The following GPSM1 variants were observed in gnomAD, a reference collection of about 807,000 sequenced individuals.
GPSM1 encodes the protein G protein-signaling modulator 1.
In GPSM1, 48 loss-of-function variants were observed where a neutral mutation model predicts 70.5. The ratio of observed to expected loss-of-function variants is 0.68; its 90% confidence interval spans 0.54 to 0.87. GPSM1 has a LOEUF of 0.87. GPSM1 is among the 40% of genes least tolerant of loss of function. The probability of loss-of-function intolerance (pLI) is 0.00; values close to 1 mark genes in which losing one functional copy is unlikely to be tolerated. For missense variants in GPSM1, 981 were observed against 972.6 expected (o/e 1.01, Z -0.11); for synonymous variants, 416 against 430.1 (o/e 0.97, Z 0.41).
rs375726077 is a variant in GPSM1 at position 136,349,688 on chromosome 9, C to A, written c.1380C>A (p.Asp460Glu). 1 of 1,560,354 alleles carries A rather than the reference C, an allele frequency of 6.4e-7. No individual in the cohort carries two copies. Among genetic ancestry groups the A allele is most frequent in the East Asian group, 2.4e-5 (1 of 42,242 alleles). Residue 460 changes from aspartate (D) to glutamate (E), a missense_variant, in exon 11 of 14, where the codon GAC (aspartate) becomes GAA (glutamate). Coordinates refer to ENST00000440944, the MANE Select transcript of GPSM1 (RefSeq NM_001145638.3). ...GCAGGAAGTACCAGGAAGGCCCGGA[C>A]GCTGAGAGGAGGCCCCGGGAGGGCA... ...VRSRKYQEGP[D>E]AERRPREGSH...
At position 136,333,101 on chromosome 9, in the gene GPSM1, C is replaced by T. The variant is rs565157777; in HGVS notation, c.69-1346C>T. 1.9e-3 allele frequency among the ~76,000 whole-genome samples: 294 copies of T among 152,328 alleles called. 1 individual carries two copies. Among genetic ancestry groups the T allele is most frequent in the African/African-American group, 6.6e-3 (273 of 41,570 alleles). On this transcript the variant is annotated intron_variant, in intron 1 of 13. Transcript: ENST00000440944. ...ATGATGGGGCCGGCCTGCAAGCAGC[C>T]GAGGCTGAACCCTTCCCCCACTTCT...
chr9:136,341,553 T>G lies in GPSM1; in HGVS notation c.1207+560T>G. The G allele has an allele frequency of 6.7e-6, 7 of 1,045,774 alleles. No individual in the cohort carries two copies. The highest frequency in any genetic ancestry group is 8.1e-6 in the Non-Finnish European group (7 of 867,188). The allele number at this position is 1,045,774 out of a possible 1,614,324, so 64.8% of individuals were successfully genotyped here. On this transcript the variant is annotated intron_variant, in intron 9 of 13. Transcript: ENST00000440944. The surrounding 1 kb of genome is among the most constrained non-coding windows in gnomAD (Gnocchi z 6.7). ...GTCCCCTGCAAAGCGAAAAGACTAA[T>G]AGGTGCCAGGGGGGTGGTGCCAGGT...
At chr9:136,331,374 C>G (rs929103375) in intron 1 of GPSM1, among the ~76,000 whole-genome samples, 4 of 151,424 alleles carry the variant, frequency 2.6e-5, no homozygotes, top group South Asian at 2.1e-4. Flanking sequence ...GCCCCCCCCC[C>G]CCGCTGCCCC....
intron 1 of GPSM1, among the ~76,000 whole-genome samples, chr9:136,329,970 T>G (rs1294250123): frequency 7.2e-6 from 1 of 137,940 alleles, no homozygotes; most frequent in African/African-American, 2.8e-5. Context: ...GGGTTCTGGG[T>G]CAGTGGGGAT....
intron 9 of GPSM1, among the ~76,000 whole-genome samples, chr9:136,345,262 G>A (rs559376045): frequency 3.2e-4 from 48 of 152,230 alleles, no homozygotes; most frequent in African/African-American, 1.1e-3. Context: ...CAGTGTGACG[G>A]TCAGCGTCGG....
chr9:136,341,111 T>G lies in GPSM1; in HGVS notation c.1207+118T>G. 1 of 1,549,798 alleles carries G rather than the reference T, an allele frequency of 6.5e-7. No homozygotes were observed. Among genetic ancestry groups the G allele is most frequent in the Non-Finnish European group, 8.7e-7 (1 of 1,146,840 alleles). On this transcript the variant is annotated intron_variant, in intron 9 of 13. Transcript: ENST00000440944. The surrounding 1 kb of genome is among the most constrained non-coding windows in gnomAD (Gnocchi z 6.7). ...GGCGGAGGTGGCAGCCGCCAGAAAATGGCGCCTACAAGCCAGTTCTTCTTG... is the reference window on the plus strand; with the variant it reads ...GGCGGAGGTGGCAGCCGCCAGAAAAGGGCGCCTACAAGCCAGTTCTTCTTG...
rs1042293020 is a variant in GPSM1, at chr9:136,346,975, C to T, written c.1208-1722C>T. ...TGCACCTGAGGCCCCGGCACCCTGC[C>T]TGGCCATTCATGCTGCTAACTTTGA... On this transcript the variant is annotated intron_variant, in intron 9 of 13. Coordinates refer to ENST00000440944, the MANE Select transcript of GPSM1 (RefSeq NM_001145638.3). Among the ~76,000 whole-genome samples, 12 of 152,322 alleles carry T rather than the reference C, an allele frequency of 7.9e-5. No homozygotes were observed. The Middle Eastern group carries it at 0.01, about 130-fold the overall frequency.
intron 9 of GPSM1, among the ~76,000 whole-genome samples, chr9:136,344,321 C>T (rs782795222): frequency 3.9e-5 from 6 of 152,194 alleles, no homozygotes; most frequent in Non-Finnish European, 5.9e-5. Flanking sequence ...CATCATGGTC[C>T]ATTCCGACTG....
At chr9:136,338,055 T>TGCCTC in intron 6 of GPSM1, 94 bp downstream of exon 6, 1 of 803,376 alleles carries the variant, frequency 1.2e-6, no homozygotes, top group Admixed American at 2.5e-5. Context: ...GGAATCTGAC[T>TGCCTC]GCCTCCCCTC....
chr9:136,327,796 G>C (rs1457907780), intron 1 of GPSM1, 33 bp downstream of exon 1: 4 of 927,936 alleles, frequency 4.3e-6, no homozygotes, highest in Non-Finnish European at 5.5e-6. Context: ...CCGGGGCCGG[G>C]GCTGGGACCG....
At position 136,336,027 on chromosome 9, in the gene GPSM1, G is replaced by A. The variant is rs1832225300; in HGVS notation, c.352G>A (p.Val118Ile). ...ASGNLGNTLK[V>I]LGRFDEAAVC... Reference sequence around the variant, plus strand: ...TGGAAACCTGGGAAACACACTCAAGGTCCTGGGGCGCTTCGACGAGGCTGC... The same window carrying A: ...TGGAAACCTGGGAAACACACTCAAGATCCTGGGGCGCTTCGACGAGGCTGC... The change falls in exon 3 of 14, where the codon GTC becomes ATC. Residue 118 changes from valine to isoleucine, a missense_variant. Coordinates refer to ENST00000440944, the MANE Select transcript of GPSM1 (RefSeq NM_001145638.3). 6.2e-7 allele frequency: 1 copy of A among 1,612,586 alleles called. No individual in the cohort carries two copies. Among genetic ancestry groups the A allele is most frequent in the Non-Finnish European group, 8.5e-7 (1 of 1,179,908 alleles).
chr9:136,341,016 G>C lies in GPSM1; in HGVS notation c.1207+23G>C. 6.4e-7 allele frequency: 1 copy of C among 1,562,402 alleles called. No homozygotes were observed. The highest frequency in any genetic ancestry group is 8.7e-7 in the Non-Finnish European group (1 of 1,153,840). On this transcript the variant is annotated intron_variant, in intron 9 of 13. Transcript: ENST00000440944. The surrounding 1 kb of genome is among the most constrained non-coding windows in gnomAD (Gnocchi z 6.7). ...AGGGTGAGTTCCAGGGTTGTGGGGG[G>C]GTCTTGCTCCCCACAGGCACGGACC...
chr9:136,345,448 G>A (rs28562613), intron 9 of GPSM1, among the ~76,000 whole-genome samples: 4 of 152,242 alleles, frequency 2.6e-5, no homozygotes, highest in African/African-American at 7.2e-5. Flanking sequence ...CAGGCGCAGC[G>A]GGCCTTCCGC....
Position 136,343,936 on chromosome 9 carries a change from T to TCC in GPSM1, c.1207+2945_1207+2946dup, listed in dbSNP as rs1564349423. 6.6e-6 allele frequency among the ~76,000 whole-genome samples: 1 copy of TCC among 151,978 alleles called. No individual in the cohort carries two copies. The highest frequency in any genetic ancestry group is 1.5e-5 in the Non-Finnish European group (1 of 67,974). ...AGTGTGTGGGAAATGGCACACAGGG[T>TCC]CCCGCACGCAGCAGATACACAGTAA... On this transcript the variant is annotated intron_variant, in intron 9 of 13. Transcript: ENST00000440944. This position sits in a 1 kb window ranked among gnomAD's most constrained non-coding sequence, Gnocchi z 6.0.
intron 1 of GPSM1, among the ~76,000 whole-genome samples, chr9:136,333,267 G>A (rs1832145702): frequency 6.6e-6 from 1 of 152,200 alleles, no homozygotes. Context: ...GCCACCCCAT[G>A]GCATCTGCTG....
At chr9:136,339,176 C>T (rs531633239) in intron 7 of GPSM1, among the ~76,000 whole-genome samples, 3 of 152,284 alleles carry the variant, frequency 2.0e-5, no homozygotes, top group Non-Finnish European at 2.9e-5. Context: ...TCCTTTGTGG[C>T]GTGGTGAGGA....
chr9:136,346,078 C>T (rs1832516184), intron 9 of GPSM1, among the ~76,000 whole-genome samples: 1 of 152,208 alleles, frequency 6.6e-6, no homozygotes, highest in South Asian at 2.1e-4. Context: ...GAGCAGTGGA[C>T]GGCCCCAGGT....
In GPSM1 at chr9:136,356,337, C is replaced by T. The variant is rs782533407; in HGVS notation, c.1613-5C>T. ...TCCCAGGTCTCACCCTCTGGCCCCC[C>T]GCAGCCCAGCCCTCGATGACGGCCT... is the stretch of plus-strand genomic sequence containing the variant. On this transcript the variant is annotated splice_region_variant and splice_polypyrimidine_tract_variant and intron_variant, in intron 12 of 13. Transcript: ENST00000440944. 9 of 1,566,338 alleles carry T rather than the reference C, an allele frequency of 5.7e-6. No homozygotes were observed. Among genetic ancestry groups the T allele is most frequent in the South Asian group, 1.2e-5 (1 of 85,772 alleles).
At chr9:136,345,894 C>T (rs373825553) in intron 9 of GPSM1, among the ~76,000 whole-genome samples, 4 of 152,208 alleles carry the variant, frequency 2.6e-5, no homozygotes, top group African/African-American at 4.8e-5. Flanking sequence ...AACAGGCCGT[C>T]GACCCCAGCC....
Sources: gnomAD v4.1 joint callset for allele counts (sites outside exome capture counted in the v4.1 genomes callset) on GRCh38, gnomAD v4.1.1 for gene constraint, Gnocchi (gnomAD v3.1) non-coding constraint, MANE v1.5 for transcripts, NCBI Gene and HGNC (gene_info 2026-07-23, HGNC 2026-07-21) for gene names.